The following STT3A variants were observed in gnomAD, a reference collection of about 807,000 sequenced individuals.
STT3A encodes dolichyl-diphosphooligosaccharide--protein glycosyltransferase subunit STT3A.
Under a neutral mutation model 89.2 loss-of-function variants are expected in STT3A, and 34 were observed. The observed-to-expected ratio is 0.38, with a 90% CI of 0.29 to 0.51. The LOEUF is 0.51. Among genes scored for constraint, STT3A ranks in the 20% least tolerant of loss-of-function variants. The pLI, the probability that STT3A is intolerant of heterozygous loss-of-function variation, is 0.89. For synonymous variants in STT3A, 282 were observed against 310.3 expected (o/e 0.91, Z 0.96); for missense variants, 555 against 889.5 (o/e 0.62, Z 4.78).
chr11:125,598,172 A>G (rs983111335), intron 3 of STT3A, among the ~76,000 whole-genome samples: 1 of 152,088 alleles, frequency 6.6e-6, no homozygotes, highest in Admixed American at 6.6e-5. Context: ...AGATCATGCC[A>G]CTGCACTCCT....
intron 1 of STT3A, among the ~76,000 whole-genome samples, chr11:125,595,362 T>C (rs1939458581): frequency 6.6e-6 from 1 of 151,962 alleles, no homozygotes; most frequent in South Asian, 2.1e-4. Flanking sequence ...GCTGTATTGC[T>C]CAGATTGGTC....
upstream of STT3A, chr11:125,592,780 C>T (rs1939349985): frequency 4.3e-6 from 1 of 233,140 alleles, no homozygotes; most frequent in African/African-American, 2.3e-5. Context: ...CCCTATCGCT[C>T]TCCAGAAGCG....
chr11:125,608,367 T>C, intron 9 of STT3A, 78 bp downstream of exon 9: 1 of 1,429,510 alleles, frequency 7.0e-7, no homozygotes, highest in Non-Finnish European at 9.3e-7. Flanking sequence ...CAGGCCGGAG[T>C]GCAGTGGTGC....
intron 1 of STT3A, chr11:125,594,902 G>A (rs1415277656): frequency 1.3e-5 from 2 of 152,128 alleles, no homozygotes; most frequent in Non-Finnish European, 2.9e-5. Context: ...TTGGAAGCGG[G>A]TATAGATCTG....
chr11:125,611,661 A>T lies in STT3A; in HGVS notation c.1209+142A>T, dbSNP rs1462187435. ...TGAGGGAATGAGTTGTAAGTTGTTG[A>T]TCCTTTCCAGGAACGTATGGGACAC... On this transcript the variant is annotated intron_variant, in intron 11 of 17. Transcript: ENST00000392708. 4 of 741,292 alleles carry T rather than the reference A, an allele frequency of 5.4e-6. No homozygotes were observed. In the African/African-American group the frequency reaches 7.0e-5, roughly 13 times the overall value. 45.9% of individuals were successfully genotyped at this position (741,292 alleles called of 1,614,324 possible).
At chr11:125,597,608 A>G (rs1240044600) in intron 3 of STT3A, among the ~76,000 whole-genome samples, 1 of 152,190 alleles carries the variant, frequency 6.6e-6, no homozygotes, top group East Asian at 1.9e-4. Flanking sequence ...TGTGTATTCC[A>G]GGCTCAGAAG....
At chr11:125,603,032 C>CTTAGAAA in intron 5 of STT3A, 84 bp downstream of exon 5, 1 of 1,519,650 alleles carries the variant, frequency 6.6e-7, no homozygotes, top group South Asian at 1.2e-5. Flanking sequence ...GGGACAGAGC[C>CTTAGAAA]TTAGAAAGGC....
chr11:125,600,349 C>CTTA (rs555249039), intron 3 of STT3A, among the ~76,000 whole-genome samples: 2 of 150,314 alleles, frequency 1.3e-5, no homozygotes, highest in Admixed American at 6.6e-5. Flanking sequence ...TGCGCCTGGC[C>CTTA]TTATTATTAT....
intron 10 of STT3A, 188 bp from the exon 11 acceptor site, chr11:125,611,240 C>T: frequency 2.2e-6 from 1 of 452,984 alleles, no homozygotes; most frequent in Non-Finnish European, 4.0e-6. Flanking sequence ...GATTTTTTTG[C>T]TACTTTAAAG....
At chr11:125,610,516 T>A (rs1939972944) in intron 10 of STT3A, among the ~76,000 whole-genome samples, 1 of 151,696 alleles carries the variant, frequency 6.6e-6, no homozygotes, top group Admixed American at 6.6e-5. Context: ...GTCAGGAATT[T>A]GAGATCAACC....
intron 10 of STT3A, 165 bp downstream of exon 10, chr11:125,609,754 T>C: frequency 1.5e-6 from 1 of 680,458 alleles, no homozygotes; most frequent in Non-Finnish European, 2.3e-6. Context: ...TGAGCAGAAG[T>C]CAGAAGTTCA....
intron 6 of STT3A, among the ~76,000 whole-genome samples, chr11:125,604,692 G>T (rs1261704619): frequency 6.6e-6 from 1 of 152,154 alleles, no homozygotes; most frequent in Non-Finnish European, 1.5e-5. Context: ...AATGAATAAG[G>T]TTATATTGGC....
Position 125,607,086 on chromosome 11 carries a change from C to T in STT3A, c.780+621C>T, listed in dbSNP as rs542621105. ...AAAGTGATCTGCATTGAGTAGAAAC[C>T]GTACTTCCAGTACCCATACAAGCAT... On this transcript the variant is annotated intron_variant, in intron 8 of 17. Transcript: ENST00000392708. 3.9e-5 allele frequency among the ~76,000 whole-genome samples: 6 copies of T among 152,248 alleles called. No individual in the cohort carries two copies. The South Asian group carries it at 1.0e-3, about 26-fold the overall frequency.
intron 6 of STT3A, 129 bp from the exon 7 acceptor site, chr11:125,605,500 A>G (rs575993213): frequency 3.4e-6 from 2 of 588,488 alleles, no homozygotes; most frequent in Non-Finnish European, 6.0e-6. Flanking sequence ...AAACAAAAGG[A>G]AGTAAATAAT....
At chr11:125,603,440 G>C (rs922518604) in intron 5 of STT3A, 1 of 154,736 alleles carries the variant, frequency 6.5e-6, no homozygotes, top group Non-Finnish European at 1.4e-5. Context: ...GCTGACCTTG[G>C]CTCCCTGGGT....
At chr11:125,602,265 C>T (rs763248359) in intron 3 of STT3A, 38 bp from the exon 4 acceptor site, 3 of 1,603,086 alleles carry the variant, frequency 1.9e-6, no homozygotes, top group East Asian at 2.2e-5. Flanking sequence ...GAGCAAAATT[C>T]ACCACAAATT....
intron 7 of STT3A, 138 bp downstream of exon 7, chr11:125,605,873 A>G: frequency 1.6e-6 from 1 of 639,310 alleles, no homozygotes; most frequent in Non-Finnish European, 2.7e-6. Flanking sequence ...TTTTCTGTTC[A>G]TACTTACGTA....
At chr11:125,615,866 G>C (rs984244329) in intron 15 of STT3A, among the ~76,000 whole-genome samples, 2 of 151,986 alleles carry the variant, frequency 1.3e-5, no homozygotes, top group Admixed American at 6.6e-5. Flanking sequence ...ATGAAACCCC[G>C]TCTCTACTAA....
intron 10 of STT3A, among the ~76,000 whole-genome samples, chr11:125,610,290 C>T (rs1939966451): frequency 6.6e-6 from 1 of 152,120 alleles, no homozygotes; most frequent in Admixed American, 6.5e-5. Flanking sequence ...GTCTTGAACT[C>T]ATGGGCTCAA....
Sources: allele counts gnomAD v4.1 joint callset (sites outside exome capture counted in the v4.1 genomes callset), GRCh38; gene constraint gnomAD v4.1.1; transcripts MANE v1.5; gene names NCBI Gene and HGNC (gene_info 2026-07-23, HGNC 2026-07-21).